ADAMTS16: variants seen among roughly 807,000 people sequenced by gnomAD.
ADAMTS16 encodes A disintegrin and metalloproteinase with thrombospondin motifs 16.
Under a neutral mutation model 145.8 loss-of-function variants are expected in ADAMTS16, and 94 were observed. The observed-to-expected ratio is 0.64, with a 90% CI of 0.55 to 0.77. The LOEUF (loss-of-function observed/expected upper bound fraction) is 0.77, where lower values mean the gene tolerates loss of function less well. Ranked by LOEUF, ADAMTS16 falls within the 30% of genes least tolerant of loss-of-function variation. The pLI, the probability that ADAMTS16 is intolerant of heterozygous loss-of-function variation, is 0.00. For missense variants in ADAMTS16, 1,585 were observed against 1,591.5 expected (o/e 1.00, Z 0.07); for synonymous variants, 659 against 604.3 (o/e 1.09, Z -1.33).
At chr5:5,168,120 A>G (rs1420853318) in intron 3 of ADAMTS16, among the ~76,000 whole-genome samples, 1 of 152,178 alleles carries the variant, frequency 6.6e-6, no homozygotes, top group East Asian at 1.9e-4. Flanking sequence ...CAACAAATTC[A>G]CTAATGTAAA....
chr5:5,298,629 T>A (rs1409991270), intron 18 of ADAMTS16, among the ~76,000 whole-genome samples: 1 of 149,822 alleles, frequency 6.7e-6, no homozygotes, highest in Non-Finnish European at 1.5e-5. Flanking sequence ...GTTTTCCCTA[T>A]GGAAGAGGCA....
At chr5:5,237,725 G>A (rs370745673) in intron 14 of ADAMTS16, among the ~76,000 whole-genome samples, 58 of 152,216 alleles carry the variant, frequency 3.8e-4, no homozygotes, top group Admixed American at 8.5e-4. Flanking sequence ...TTCGCAGCTC[G>A]GACAGAGGCC....
At chr5:5,166,290 C>T (rs1382088901) in intron 3 of ADAMTS16, among the ~76,000 whole-genome samples, 1 of 152,052 alleles carries the variant, frequency 6.6e-6, no homozygotes, top group Non-Finnish European at 1.5e-5. Flanking sequence ...CACACACACA[C>T]ATGCACACAC....
Position 5,146,199 on chromosome 5 carries a change from A to T in ADAMTS16, c.245A>T (p.His82Leu). The change falls in exon 3 of 23, where the codon CAT becomes CTT. Residue 82 changes from histidine to leucine, a missense_variant. By Grantham distance (99) the His-to-Leu change is moderately conservative. This residue lies in a region of ADAMTS16 where 453 missense variants were observed against 412.1 expected (regional missense o/e 1.10). Transcript: ENST00000274181. ...GDYVSHEIMH[H>L]QRRRRAVPVS... ...TACGTGTCCCATGAAATCATGCACC[A>T]TCAGCGGCGGAGAAGAGCAGTGCCC... is the stretch of plus-strand genomic sequence containing the variant. The T allele has an allele frequency of 6.2e-7, 1 of 1,614,198 alleles. No individual in the cohort carries two copies. The highest frequency in any genetic ancestry group is 8.5e-7 in the Non-Finnish European group (1 of 1,180,040).
At chr5:5,294,608 G>A (rs550589031) in intron 18 of ADAMTS16, among the ~76,000 whole-genome samples, 1 of 152,194 alleles carries the variant, frequency 6.6e-6, no homozygotes, top group Non-Finnish European at 1.5e-5. Context: ...GAAATGTCTA[G>A]AATAATGCTC....
At chr5:5,203,793 T>C (rs879390128) in intron 9 of ADAMTS16, among the ~76,000 whole-genome samples, 1 of 152,116 alleles carries the variant, frequency 6.6e-6, no homozygotes, top group African/African-American at 2.4e-5. Context: ...TCAGTGAAAA[T>C]GCCAGCTCTC....
At chr5:5,242,827 T>C (rs1258653544) in intron 17 of ADAMTS16, among the ~76,000 whole-genome samples, 1 of 152,214 alleles carries the variant, frequency 6.6e-6, no homozygotes, top group Admixed American at 6.5e-5. Context: ...CCAGAGCCAA[T>C]ATGTACTGAC....
Position 5,306,734 on chromosome 5 carries a change from G to C in ADAMTS16, c.3411+6G>C. ...TTGCCTCACCCTGGTCTCAGGTAGG[G>C]GAGGCCCTCGGTTCCTGGAGAGTGG... On this transcript the variant is annotated splice_donor_region_variant and intron_variant, in intron 21 of 22. Transcript: ENST00000274181. 3 of 1,595,914 alleles carry C rather than the reference G, an allele frequency of 1.9e-6. No individual in the cohort carries two copies. Among genetic ancestry groups the C allele is most frequent in the Non-Finnish European group, 1.7e-6 (2 of 1,170,460 alleles).
chr5:5,140,825 G>C (rs1366614522), intron 2 of ADAMTS16, 59 bp downstream of exon 2: 2 of 1,464,736 alleles, frequency 1.4e-6, no homozygotes, highest in Admixed American at 4.3e-5. Context: ...TAATCTCCGT[G>C]CCGCTGGTTT....
chr5:5,232,314 C>T, intron 11 of ADAMTS16, 54 bp from the exon 12 acceptor site: 2 of 1,601,366 alleles, frequency 1.2e-6, no homozygotes, highest in South Asian at 2.2e-5. Context: ...ATGAGATGAA[C>T]CCATCTATCC....
At chr5:5,158,366 G>A (rs1019373863) in intron 3 of ADAMTS16, among the ~76,000 whole-genome samples, 7 of 152,106 alleles carry the variant, frequency 4.6e-5, no homozygotes, top group Non-Finnish European at 1.0e-4. Flanking sequence ...GTTGATGGAT[G>A]GGTAAATGGA....
chr5:5,303,278 G>C lies in ADAMTS16; in HGVS notation c.2800G>C (p.Gly934Arg), dbSNP rs1288425307. The C allele has an allele frequency of 2.5e-6, 4 of 1,572,594 alleles. No homozygotes were observed. The highest frequency in any genetic ancestry group is 3.5e-6 in the Non-Finnish European group (4 of 1,156,426). ...VSACPPSWSV[G>R]NWSACSRTCG... ...TTTGTCCCTGCCCAGCTGGTCCGTG[G>C]GGAACTGGAGTGCCTGCAGTCGGAC... The change falls in exon 19 of 23, where the codon GGG becomes CGG. Residue 934 changes from glycine (G) to arginine (R), a missense_variant. Around this residue, in one of 3 missense-constraint regions of ADAMTS16, gnomAD observed 834 missense variants for 811.7 expected, o/e 1.03. Coordinates refer to ENST00000274181, the MANE Select transcript of ADAMTS16 (RefSeq NM_139056.4).
intron 17 of ADAMTS16, among the ~76,000 whole-genome samples, chr5:5,251,221 C>T (rs1325097918): frequency 6.6e-6 from 1 of 152,174 alleles, no homozygotes; most frequent in Non-Finnish European, 1.5e-5. Flanking sequence ...CCCATTCGGT[C>T]TCTCCCTCCA....
Position 5,319,922 on chromosome 5 carries a change from T to C in ADAMTS16, c.*784T>C, listed in dbSNP as rs1482071293. 1 of 455,434 alleles carries C rather than the reference T, an allele frequency of 2.2e-6. No homozygotes were observed. The highest frequency in any genetic ancestry group is 4.4e-6 in the Non-Finnish European group (1 of 226,792). 28.2% of individuals were successfully genotyped at this position (455,434 alleles called of 1,614,324 possible). On this transcript the variant is annotated 3_prime_UTR_variant, in exon 23 of 23. Transcript: ENST00000274181. ...AGTGTCCTTTTAAAAACACACTTCT[T>C]CATGCTTTTCTTTGTAAATGACAGA...
intron 3 of ADAMTS16, among the ~76,000 whole-genome samples, chr5:5,176,732 A>T (rs146571117): frequency 2.2e-4 from 34 of 152,346 alleles, no homozygotes; most frequent in African/African-American, 6.5e-4. Context: ...CTTAAATTAT[A>T]CTATTAAATT....
chr5:5,297,791 T>C (rs193079454), intron 18 of ADAMTS16, among the ~76,000 whole-genome samples: 2 of 152,340 alleles, frequency 1.3e-5, no homozygotes, highest in Admixed American at 6.5e-5. Context: ...GGTTTGGCTA[T>C]GTGTGCTTCA....
At chr5:5,257,092 AGCC>A (rs1461762460) in intron 17 of ADAMTS16, among the ~76,000 whole-genome samples, 1 of 152,202 alleles carries the variant, frequency 6.6e-6, no homozygotes, top group Non-Finnish European at 1.5e-5. Context: ...ATAGTCTCTC[AGCC>A]CTAGTTAGCA....
intron 3 of ADAMTS16, among the ~76,000 whole-genome samples, chr5:5,173,468 T>C (rs1239140186): frequency 6.6e-6 from 1 of 151,938 alleles, no homozygotes; most frequent in Non-Finnish European, 1.5e-5. Flanking sequence ...ATCTTATAAC[T>C]CATTACTTTT....
rs141854109 is a variant in ADAMTS16, at chr5:5,222,654, T to C, written c.1606-135T>C. On this transcript the variant is annotated intron_variant, in intron 10 of 22. Transcript: ENST00000274181. ...CCTTACACCTTACTCTATTATATGCTATCATATTGCTAAGTAGGCATTCGC... is the reference window on the plus strand; with the variant it reads ...CCTTACACCTTACTCTATTATATGCCATCATATTGCTAAGTAGGCATTCGC... The C allele has an allele frequency of 2.3e-3, 1,542 of 680,632 alleles. 1 individual carries two copies. The highest frequency in any genetic ancestry group is 3.1e-3 in the Non-Finnish European group (1,210 of 389,406). 42.2% of individuals were successfully genotyped at this position (680,632 alleles called of 1,614,324 possible). A position where few individuals can be genotyped will look rare whatever the true frequency, so the allele number is the denominator to read the frequency against.
Sources: allele counts gnomAD v4.1 joint callset (sites outside exome capture counted in the v4.1 genomes callset), GRCh38; gene constraint gnomAD v4.1.1; regional missense constraint gnomAD v4.1.1; transcripts MANE v1.5; gene names NCBI Gene and HGNC (gene_info 2026-07-23, HGNC 2026-07-21).